Variants in ACOT11 observed in about 807,000 individuals in gnomAD.
ACOT11 encodes acyl-coenzyme A thioesterase 11.
A neutral mutation model predicts 77.5 loss-of-function variants in ACOT11; 69 were observed. The observed-to-expected ratio is 0.89, with a 90% confidence interval of 0.73 to 1.09. The LOEUF (loss-of-function observed/expected upper bound fraction) is 1.09. Ranked by LOEUF, ACOT11 falls within the 50% of genes least tolerant of loss-of-function variation. ACOT11 has a pLI of 0.00. For synonymous variants in ACOT11, 279 were observed against 313.0 expected (o/e 0.89, Z 1.15); for missense variants, 766 against 813.7 (o/e 0.94, Z 0.71).
intron 15 of ACOT11, among the ~76,000 whole-genome samples, chr1:54,624,724 A>G (rs1012217619): frequency 1.3e-5 from 2 of 152,076 alleles, no homozygotes; most frequent in Non-Finnish European, 2.9e-5. Flanking sequence ...AAGGCCCCCG[A>G]TGCTGGCCAG....
chr1:54,554,183 C>G (rs939843455), intron 1 of ACOT11, among the ~76,000 whole-genome samples: 5 of 140,556 alleles, frequency 3.6e-5, no homozygotes, highest in African/African-American at 1.3e-4. Flanking sequence ...AAAACAAAAA[C>G]AAAAGAAAAC....
chr1:54,612,653 G>C, downstream of ACOT11: 1 of 1,614,060 alleles, frequency 6.2e-7, no homozygotes, highest in Non-Finnish European at 8.5e-7. Flanking sequence ...TGTAGAAGGT[G>C]GTCCAGCCTG....
intron 1 of ACOT11, among the ~76,000 whole-genome samples, chr1:54,572,329 T>A (rs1653954056): frequency 6.6e-6 from 1 of 152,142 alleles, no homozygotes; most frequent in Admixed American, 6.5e-5. Flanking sequence ...ACAGAGTTGC[T>A]TGCAGGATGG....
In ACOT11 at chr1:54,609,002, A is replaced by G. The variant is rs200911991; in HGVS notation, c.1675A>G (p.Thr559Ala). Residue 559 changes from threonine to alanine, a missense_variant, in exon 16 of 16, where the codon ACC (threonine) becomes GCC (alanine). Physicochemically the swap from Thr to Ala is moderately conservative, Grantham distance 58. Transcript: ENST00000343744. ...CACCCCAGGTGTTCTCAACTATGTG[A>G]CCACCAACGTGGCCGGCCTCTCCTC... ...QATPGVLNYVTTNVAGLSSEF... is the reference protein window; with the variant it reads ...QATPGVLNYVATNVAGLSSEF... 1.6e-5 allele frequency: 26 copies of G among 1,613,782 alleles called. No individual in the cohort carries two copies. The highest frequency in any genetic ancestry group is 3.4e-6 in the Non-Finnish European group (4 of 1,179,952).
chr1:54,567,460 G>C (rs961315716), intron 1 of ACOT11, among the ~76,000 whole-genome samples: 3 of 152,008 alleles, frequency 2.0e-5, no homozygotes, highest in Admixed American at 2.0e-4. Context: ...TGTATTTTTA[G>C]TAGAGACGGG....
At chr1:54,569,724 AAAC>A (rs1653871291) in intron 1 of ACOT11, among the ~76,000 whole-genome samples, 1 of 152,224 alleles carries the variant, frequency 6.6e-6, no homozygotes, top group African/African-American at 2.4e-5. Flanking sequence ...GTTTTCCCAT[AAAC>A]AACTATTAAG....
At chr1:54,578,058 C>T (rs1654176093) in intron 1 of ACOT11, among the ~76,000 whole-genome samples, 1 of 152,242 alleles carries the variant, frequency 6.6e-6, no homozygotes, top group Non-Finnish European at 1.5e-5. Flanking sequence ...CTCTCACCTT[C>T]CTTTGACACT....
At chr1:54,622,946 A>G (rs952786136) in intron 15 of ACOT11, among the ~76,000 whole-genome samples, 1 of 151,974 alleles carries the variant, frequency 6.6e-6, no homozygotes. Context: ...AGGCTGAGGC[A>G]GGTGGATCAC....
chr1:54,575,929 A>C (rs1190450338), intron 1 of ACOT11, among the ~76,000 whole-genome samples: 2 of 152,204 alleles, frequency 1.3e-5, no homozygotes, highest in Admixed American at 1.3e-4. Context: ...ATAGGACCAC[A>C]AGGTTCATGT....
At position 54,556,030 on chromosome 1, in the gene ACOT11, G is replaced by A. The variant is rs376804027; in HGVS notation, c.33+7688G>A. 1.3e-4 allele frequency among the ~76,000 whole-genome samples: 20 copies of A among 152,316 alleles called. No individual in the cohort carries two copies. In the East Asian group the frequency reaches 1.7e-3, roughly 13 times the overall value. Reference sequence around the variant, plus strand: ...CCCAAAGTGCTGAGATTACAGGTGTGAGCCACTGCACCTGGCCTGATTTTT... The same window carrying A: ...CCCAAAGTGCTGAGATTACAGGTGTAAGCCACTGCACCTGGCCTGATTTTT... On this transcript the variant is annotated intron_variant, in intron 1 of 15. Coordinates refer to ENST00000343744, the MANE Select transcript of ACOT11 (RefSeq NM_147161.4).
intron 1 of ACOT11, among the ~76,000 whole-genome samples, chr1:54,557,225 C>G (rs182319902): frequency 6.6e-6 from 1 of 151,986 alleles, no homozygotes; most frequent in East Asian, 2.0e-4. Context: ...AATCCCATCT[C>G]TACTAAAAAT....
intron 1 of ACOT11, among the ~76,000 whole-genome samples, chr1:54,558,437 A>G (rs1374581145): frequency 1.3e-5 from 2 of 152,244 alleles, no homozygotes; most frequent in African/African-American, 4.8e-5. Flanking sequence ...CCGAGGTAAC[A>G]CAGCTAGTAA....
intron 16 of ACOT11, among the ~76,000 whole-genome samples, chr1:54,631,806 G>GGCT (rs1644301339): frequency 6.6e-6 from 1 of 152,142 alleles, no homozygotes; most frequent in Non-Finnish European, 1.5e-5. Context: ...TTGCAGATTC[G>GGCT]GCTGCTCAGG....
intron 9 of ACOT11, among the ~76,000 whole-genome samples, chr1:54,602,122 C>G (rs546444290): frequency 6.6e-6 from 1 of 152,178 alleles, no homozygotes; most frequent in Non-Finnish European, 1.5e-5. Context: ...TTTCCTTGTA[C>G]TTGGGGCTGG....
chr1:54,610,497 C>G, downstream of ACOT11: 3 of 1,613,320 alleles, frequency 1.9e-6, 1 homozygote, highest in South Asian at 3.3e-5. Flanking sequence ...CCCCAGGCAG[C>G]TGGAGAAGAG....
rs374662375 is a variant in ACOT11, at chr1:54,629,668, T to A, written c.1630-1066T>A. On this transcript the variant is annotated intron_variant, in intron 15 of 16. Transcript: ENST00000371316. Reference sequence around the variant, plus strand: ...GATGTGTTCATGTCTCATTGCAGCCTTGACCTCCTGGGCTCAAGCTATTCT... The same window carrying A: ...GATGTGTTCATGTCTCATTGCAGCCATGACCTCCTGGGCTCAAGCTATTCT... 2.8e-4 allele frequency among the ~76,000 whole-genome samples: 38 copies of A among 133,372 alleles called. 7 individuals carry two copies. In the East Asian group the frequency reaches 6.1e-3, roughly 21 times the overall value. 87.5% of individuals were successfully genotyped at this position (133,372 alleles called of 152,430 possible).
intron 15 of ACOT11, among the ~76,000 whole-genome samples, chr1:54,625,363 G>A (rs1016758955): frequency 6.6e-6 from 1 of 152,108 alleles, no homozygotes; most frequent in South Asian, 2.1e-4. Flanking sequence ...GACAGTAAGG[G>A]GGCTGTAGAC....
In ACOT11 at chr1:54,570,513, C is replaced by T. The variant is rs186234345; in HGVS notation, c.34-14142C>T. ...TGGTTTTCTGGGTCTTTCTACAACA[C>T]CTTGCCCTTTTTATTTTTTGAGACA... On this transcript the variant is annotated intron_variant, in intron 1 of 15. Transcript: ENST00000343744. 9.8e-5 allele frequency among the ~76,000 whole-genome samples: 15 copies of T among 152,340 alleles called. 1 individual carries two copies. The highest frequency in any genetic ancestry group is 7.2e-4 in the Admixed American group (11 of 15,306).
chr1:54,568,358 CTTTTTTT>C (rs71045196), intron 1 of ACOT11, among the ~76,000 whole-genome samples: 8 of 80,556 alleles, frequency 9.9e-5, no homozygotes, highest in African/African-American at 2.6e-4. Flanking sequence ...TTCCCAGCAC[CTTTTTTT>C]TTTTTTTTTT....
Sources: allele counts gnomAD v4.1 joint callset (sites outside exome capture counted in the v4.1 genomes callset), GRCh38; gene constraint gnomAD v4.1.1; transcripts MANE v1.5; gene names NCBI Gene and HGNC (gene_info 2026-07-23, HGNC 2026-07-21).